Variants in MYH7B observed in about 807,000 individuals in gnomAD.
The protein encoded by MYH7B is myosin-7B.
MYH7B carries 205 observed loss-of-function variants against 234.5 expected under a neutral mutation model. The observed-to-expected ratio is 0.87, with a 90% CI of 0.78 to 0.98. The LOEUF (loss-of-function observed/expected upper bound fraction) is 0.98, where lower values mean the gene tolerates loss of function less well. Ranked by LOEUF, MYH7B falls within the 50% of genes least tolerant of loss-of-function variation. The probability of loss-of-function intolerance (pLI) is 0.00; values close to 1 mark genes in which losing one functional copy is unlikely to be tolerated. For missense variants in MYH7B, 2,652 were observed against 2,633.4 expected, an observed-to-expected ratio of 1.01 and a Z score of -0.15; for synonymous variants, 1,193 against 1,105.0, an observed-to-expected ratio of 1.08 and a Z score of -1.58.
chr20:34,983,293 C>CT (rs1569038490), intron 10 of MYH7B, among the ~76,000 whole-genome samples: 7 of 100,350 alleles, frequency 7.0e-5, no homozygotes, highest in African/African-American at 3.3e-4. Flanking sequence ...CTTTTCTTTT[C>CT]TTTTCTTTTT....
intron 30 of MYH7B, 108 bp from the exon 31 acceptor site, chr20:34,996,975 T>TG (rs11167249): frequency 1 from 1,299,691 of 1,299,900 alleles, 649,741 homozygotes; most frequent in Admixed American, 1. Context: ...AGCAGGTGCA[T>TG]GGGGTGAGGT....
Position 35,000,407 on chromosome 20 carries a change from G to GGA in MYH7B, c.4898_4899dup (p.Leu1634SerfsTer20), listed in dbSNP as rs1006258441. On this transcript the variant is annotated frameshift_variant, in exon 39 of 45. Transcript: ENST00000262873. LOFTEE classifies it high-confidence loss of function. ...AGATGGAGGGTGACCTCAACGACCTGGAGCTGCAGCTGGGCCATGCCACCC... is the reference window on the plus strand; with the variant it reads ...AGATGGAGGGTGACCTCAACGACCTGGAGAGCTGCAGCTGGGCCATGCCACCC... 7 of 1,600,710 alleles carry GGA rather than the reference G, an allele frequency of 4.4e-6. No homozygotes were observed. In the Admixed American group the frequency reaches 6.7e-5, roughly 15 times the overall value.
rs369580490 is a variant in MYH7B at position 34,999,895 on chromosome 20, C to T, written c.4770C>T (p.Cys1590=). 2.9e-5 allele frequency: 47 copies of T among 1,613,464 alleles called. No homozygotes were observed. The highest frequency in any genetic ancestry group is 2.7e-4 in the African/African-American group (20 of 75,004). ...AGCTGGCAGAGAAAGACGAGGAGTG[C>T]GCTAACCTGAGGTGTGTCCATCCTT... is the stretch of plus-strand genomic sequence containing the variant. The change falls in exon 38 of 45, where the codon TGC becomes TGT. Residue 1590 remains cysteine, a synonymous_variant. Transcript: ENST00000262873.
exon 18 of MYH7B, chr20:34,987,895 C>T (rs1284487889): frequency 6.2e-7 from 1 of 1,604,704 alleles, no homozygotes; most frequent in South Asian, 1.1e-5. Flanking sequence ...CTGGACATCG[C>T]TGGGTTTGAG....
chr20:34,998,772 C>T lies in MYH7B; in HGVS notation c.4047C>T (p.Leu1349=), dbSNP rs750049478. Residue 1349 remains leucine, a synonymous_variant, in exon 35 of 45, where the codon CTC becomes CTT. Transcript: ENST00000262873. Reference sequence around the variant, plus strand: ...AGGCTCTGCGGCACGACTGTGACCTCCTGCGGGAGCAACACGAGGAGGAGG... The same window carrying T: ...AGGCTCTGCGGCACGACTGTGACCTTCTGCGGGAGCAACACGAGGAGGAGG... 5 of 1,612,980 alleles carry T rather than the reference C, an allele frequency of 3.1e-6. No homozygotes were observed. The East Asian group carries it at 8.9e-5, about 29-fold the overall frequency.
intron 19 of MYH7B, among the ~76,000 whole-genome samples, chr20:34,988,549 T>C (rs1208519973): frequency 6.6e-6 from 1 of 152,144 alleles, no homozygotes; most frequent in Non-Finnish European, 1.5e-5. Flanking sequence ...CAGCTCCTCC[T>C]GGGTGCTCAG....
chr20:34,998,396 G>A lies in MYH7B; in HGVS notation c.3849G>A (p.Gln1283=), dbSNP rs780041564. 23 of 1,613,392 alleles carry A rather than the reference G, an allele frequency of 1.4e-5. No individual in the cohort carries two copies. In the South Asian group the frequency reaches 2.5e-4, roughly 18 times the overall value. The change falls in exon 33 of 45, where the codon CAG becomes CAA. Residue 1283 remains glutamine, a synonymous_variant. Transcript: ENST00000262873. ...GGCAGCTGGCGGACGCAAGCACGCA[G>A]CGTGGGCGACTACAGACGGAAAGCG... is the stretch of plus-strand genomic sequence containing the variant.
intron 2 of MYH7B, among the ~76,000 whole-genome samples, chr20:34,972,053 C>A (rs1278180349): frequency 6.6e-6 from 1 of 152,164 alleles, no homozygotes; most frequent in African/African-American, 2.4e-5. Flanking sequence ...CAGACCCATC[C>A]GCTCTCACCC....
chr20:34,981,060 C>G, exon 9 of MYH7B: 2 of 1,613,924 alleles, frequency 1.2e-6, no homozygotes, highest in Non-Finnish European at 1.7e-6. Context: ...ATGCTGATCA[C>G]GTGAGTGTGG....
rs1437598858 is a variant in MYH7B at position 34,991,129 on chromosome 20, A to AC, written c.2183+12dup. On this transcript the variant is annotated intron_variant, in intron 24 of 44. Coordinates refer to ENST00000262873, the Ensembl canonical transcript of MYH7B. ...CACCGACTTCCGGCAGCGGTGGGTG[A>AC]CCCCTTCCCCCTGCCTGCTGCTCCA... 2.5e-6 allele frequency: 4 copies of AC among 1,587,946 alleles called. No individual in the cohort carries two copies. The highest frequency in any genetic ancestry group is 3.4e-6 in the Non-Finnish European group (4 of 1,162,708).
At chr20:34,964,225 A>G (rs1007425056) in intron 2 of MYH7B, among the ~76,000 whole-genome samples, 2 of 152,152 alleles carry the variant, frequency 1.3e-5, no homozygotes, top group African/African-American at 2.4e-5. Flanking sequence ...TCACCGAGAC[A>G]GAATGGTCAA....
chr20:34,966,626 C>T (rs971784684), intron 2 of MYH7B, among the ~76,000 whole-genome samples: 4 of 152,032 alleles, frequency 2.6e-5, no homozygotes, highest in African/African-American at 9.7e-5. Flanking sequence ...TGCACACACA[C>T]GCTCACAACT....
chr20:34,985,867 A>G (rs2082011476), intron 13 of MYH7B, among the ~76,000 whole-genome samples: 1 of 152,006 alleles, frequency 6.6e-6, no homozygotes, highest in Admixed American at 6.5e-5. Flanking sequence ...CCCCACACAC[A>G]CGCAAGGACA....
chr20:34,975,667 C>T (rs1318204238), intron 3 of MYH7B, among the ~76,000 whole-genome samples, 168 bp downstream of exon 3: 1 of 152,092 alleles, frequency 6.6e-6, no homozygotes, highest in African/African-American at 2.4e-5. Flanking sequence ...AGGACTAATT[C>T]CTAATAGGGT....
At chr20:34,995,880 G>C (rs975290688) in intron 28 of MYH7B, among the ~76,000 whole-genome samples, 1 of 152,260 alleles carries the variant, frequency 6.6e-6, no homozygotes, top group East Asian at 1.9e-4. Context: ...AGCCCCTTGA[G>C]GGCAGGAACT....
At chr20:34,993,367 G>A (rs776770311) in exon 26 of MYH7B, 8 of 1,613,952 alleles carry the variant, frequency 5.0e-6, no homozygotes, top group Non-Finnish European at 6.8e-6. Context: ...AGGCGTCCTG[G>A]AAGAGCTCCG....
At chr20:34,990,668 GAC>G in intron 22 of MYH7B, 68 bp from the exon 23 acceptor site, 1 of 1,460,218 alleles carries the variant, frequency 6.8e-7, no homozygotes, top group Non-Finnish European at 9.6e-7. Context: ...TCTCGGTCCT[GAC>G]CACTGCGGCA....
chr20:34,982,621 TC>T, intron 10 of MYH7B, 66 bp downstream of exon 10: 7 of 1,249,350 alleles, frequency 5.6e-6, no homozygotes, highest in African/African-American at 1.5e-5. Flanking sequence ...TTTCTTCCTC[TC>T]TTTTTTTTTT....
At position 34,980,950 on chromosome 20, in the gene MYH7B, C is replaced by T. The variant is rs376032551; in HGVS notation, c.500-83C>T. 1.9e-3 allele frequency: 2,952 copies of T among 1,586,758 alleles called. 5 individuals are homozygous for T. Among genetic ancestry groups the T allele is most frequent in the Non-Finnish European group, 2.4e-3 (2,780 of 1,155,296 alleles). ...TCCTGGCTCTGGGTGGTGGGGTCTG[C>T]CCCAGATGGATACCCAGGGTGTTCC... On this transcript the variant is annotated intron_variant, in intron 8 of 44. Coordinates refer to ENST00000262873, the Ensembl canonical transcript of MYH7B.
Sources: gnomAD v4.1 joint callset for allele counts (sites outside exome capture counted in the v4.1 genomes callset) on GRCh38, gnomAD v4.1.1 for gene constraint, MANE v1.5 for transcripts, NCBI Gene and HGNC (gene_info 2026-07-23, HGNC 2026-07-21) for gene names.